Variants in KCND2 observed in about 807,000 individuals in gnomAD.
KCND2 encodes A-type voltage-gated potassium channel KCND2.
A neutral mutation model predicts 54.4 loss-of-function variants in KCND2; 16 were observed. That is an observed-to-expected ratio of 0.29 (90% CI 0.20 to 0.45). KCND2 has a LOEUF of 0.45. Ranked by LOEUF, KCND2 falls within the 20% of genes least tolerant of loss-of-function variation. The pLI, the probability that KCND2 is intolerant of heterozygous loss-of-function variation, is 1.00. For missense variants in KCND2, 486 were observed against 824.2 expected, an observed-to-expected ratio of 0.59 and a Z score of 5.02; for synonymous variants, 317 against 310.7, an observed-to-expected ratio of 1.02 and a Z score of -0.21.
intron 1 of KCND2, among the ~76,000 whole-genome samples, chr7:120,601,357 C>T (rs1179378153): frequency 6.6e-6 from 1 of 152,092 alleles, no homozygotes; most frequent in African/African-American, 2.4e-5. Flanking sequence ...AGCCAATGAA[C>T]AATTCTTTAT....
intron 1 of KCND2, among the ~76,000 whole-genome samples, chr7:120,328,131 C>G (rs1368761376): frequency 6.6e-6 from 1 of 152,070 alleles, no homozygotes; most frequent in Non-Finnish European, 1.5e-5. Context: ...CCCAACTGGA[C>G]CTGGTGGTGG....
intron 1 of KCND2, among the ~76,000 whole-genome samples, chr7:120,685,979 G>A (rs577875783): frequency 1.3e-4 from 20 of 152,198 alleles, no homozygotes; most frequent in Middle Eastern, 3.4e-3. Context: ...AGTGACTGAA[G>A]ATCCTCCCCA....
chr7:120,524,339 A>C (rs10248263), intron 1 of KCND2, among the ~76,000 whole-genome samples: 9,741 of 152,192 alleles, frequency 0.064, 645 homozygotes, highest in African/African-American at 0.18. Flanking sequence ...TAGCAAAATA[A>C]AATGTAGGAG....
intron 1 of KCND2, among the ~76,000 whole-genome samples, chr7:120,706,420 C>G (rs897176399): frequency 1.3e-5 from 2 of 152,170 alleles, no homozygotes; most frequent in Non-Finnish European, 2.9e-5. Flanking sequence ...ATTTATTTGT[C>G]TGGTGAAGGC....
intron 1 of KCND2, among the ~76,000 whole-genome samples, chr7:120,633,943 C>G (rs973829523): frequency 6.6e-6 from 1 of 152,018 alleles, no homozygotes; most frequent in African/African-American, 2.4e-5. Context: ...CAGCATTTGG[C>G]AAATATTTTA....
chr7:120,566,860 T>C (rs1276597849), intron 1 of KCND2, among the ~76,000 whole-genome samples: 1 of 152,146 alleles, frequency 6.6e-6, no homozygotes, highest in African/African-American at 2.4e-5. Flanking sequence ...TTTCTTCATA[T>C]GATTTTGATA....
intron 1 of KCND2, among the ~76,000 whole-genome samples, chr7:120,395,279 A>T (rs1049117187): frequency 1.3e-5 from 2 of 152,060 alleles, no homozygotes; most frequent in African/African-American, 4.8e-5. Context: ...CATAGCTATT[A>T]TTTAATTTCA....
chr7:120,695,386 TAA>T (rs1271223060), intron 1 of KCND2, among the ~76,000 whole-genome samples: 1 of 152,156 alleles, frequency 6.6e-6, no homozygotes, highest in Non-Finnish European at 1.5e-5. Context: ...GAAAACATGC[TAA>T]GTTTAATATT....
intron 1 of KCND2, among the ~76,000 whole-genome samples, chr7:120,527,742 G>C (rs188551519): frequency 4.2e-4 from 64 of 151,802 alleles, no homozygotes; most frequent in African/African-American, 1.2e-3. Context: ...AAGCAAAAAT[G>C]TAAGTATAAT....
At chr7:120,652,916 T>A (rs937996024) in intron 1 of KCND2, among the ~76,000 whole-genome samples, 1 of 152,220 alleles carries the variant, frequency 6.6e-6, no homozygotes, top group Non-Finnish European at 1.5e-5. Flanking sequence ...TTATACTTTT[T>A]AATCATGTTC....
In KCND2 at chr7:120,274,408, C is replaced by T; in HGVS notation, c.-225C>T. ...GTTCTGTTGAGGGTGATTGTTAGGA[C>T]GTTGTATTTTGTTGCCATTATTCCA... is the stretch of plus-strand genomic sequence containing the variant. On this transcript the variant is annotated 5_prime_UTR_variant, in exon 1 of 6. It adds an upstream start codon to the 5' untranslated region. Transcript: ENST00000331113. 1 of 620,008 alleles carries T rather than the reference C, an allele frequency of 1.6e-6. No individual in the cohort carries two copies. Among genetic ancestry groups the T allele is most frequent in the Non-Finnish European group, 2.9e-6 (1 of 346,282 alleles). The allele number at this position is 620,008 out of a possible 1,614,324, so 38.4% of individuals were successfully genotyped here. A position where few individuals can be genotyped will look rare whatever the true frequency, so the allele number is the denominator to read the frequency against.
intron 1 of KCND2, among the ~76,000 whole-genome samples, chr7:120,295,086 T>C (rs1470258979): frequency 5.9e-5 from 9 of 151,876 alleles, no homozygotes. Context: ...GACTTGTAGA[T>C]AATGATTTTC....
At chr7:120,558,048 A>G (rs1792185759) in intron 1 of KCND2, among the ~76,000 whole-genome samples, 1 of 152,144 alleles carries the variant, frequency 6.6e-6, no homozygotes, top group African/African-American at 2.4e-5. Flanking sequence ...ATTTTTATTA[A>G]TGTTTCCCCT....
chr7:120,523,702 C>CACTGTG lies in KCND2; in HGVS notation c.1116-209201_1116-209200insACTGTG, dbSNP rs1491350289. ...ATACACAGATATACACACACACACA[C>CACTGTG]TCTGTGTGTGTGTGTGTGTGTGTGT... is the stretch of plus-strand genomic sequence containing the variant. On this transcript the variant is annotated intron_variant, in intron 1 of 5. Transcript: ENST00000331113. Among the ~76,000 whole-genome samples the CACTGTG allele has an allele frequency of 4.4e-3, 488 of 110,996 alleles. 4 individuals are homozygous for CACTGTG. The highest frequency in any genetic ancestry group is 0.02 in the African/African-American group (459 of 23,074). 72.8% of individuals were successfully genotyped at this position (110,996 alleles called of 152,430 possible). A position where few individuals can be genotyped will look rare whatever the true frequency, so the allele number is the denominator to read the frequency against.
chr7:120,665,221 C>A (rs1562902908), intron 1 of KCND2, among the ~76,000 whole-genome samples: 1 of 151,910 alleles, frequency 6.6e-6, no homozygotes, highest in Non-Finnish European at 1.5e-5. Context: ...GTAATAAAAC[C>A]ATTGAATAAT....
chr7:120,448,564 A>C (rs1190884997), intron 1 of KCND2, among the ~76,000 whole-genome samples: 1 of 152,126 alleles, frequency 6.6e-6, no homozygotes, highest in South Asian at 2.1e-4. Context: ...ATGTCTAACT[A>C]ATTTTATGAG....
rs561693159 is a variant in KCND2 at position 120,734,230 on chromosome 7, C to T, written c.1278+1165C>T. ...CCCCCTTTGATTGGCCAAAACTCAGCGGTTGGCACAAGAGTGGGTTACAGT... is the reference window on the plus strand; with the variant it reads ...CCCCCTTTGATTGGCCAAAACTCAGTGGTTGGCACAAGAGTGGGTTACAGT... On this transcript the variant is annotated intron_variant, in intron 2 of 5. Coordinates refer to ENST00000331113, the MANE Select transcript of KCND2 (RefSeq NM_012281.3). Among the ~76,000 whole-genome samples, 9 of 152,194 alleles carry T rather than the reference C, an allele frequency of 5.9e-5. 1 individual carries two copies. In the South Asian group the frequency reaches 1.2e-3, roughly 21 times the overall value.
At chr7:120,485,927 A>G (rs2116289777) in intron 1 of KCND2, among the ~76,000 whole-genome samples, 1 of 152,342 alleles carries the variant, frequency 6.6e-6, no homozygotes, top group Middle Eastern at 3.4e-3. Flanking sequence ...AAATGCATAA[A>G]TAAATGCATG....
chr7:120,508,271 T>TC (rs1459550908), intron 1 of KCND2, among the ~76,000 whole-genome samples: 1 of 152,018 alleles, frequency 6.6e-6, no homozygotes, highest in Non-Finnish European at 1.5e-5. Flanking sequence ...AGTTTAATAT[T>TC]CTGTTAGAAA....
Sources: gnomAD v4.1 joint callset for allele counts (sites outside exome capture counted in the v4.1 genomes callset) on GRCh38, gnomAD v4.1.1 for gene constraint, MANE v1.5 for transcripts, NCBI Gene and HGNC (gene_info 2026-07-23, HGNC 2026-07-21) for gene names.